PLXDC2: variants seen among roughly 807,000 people sequenced by gnomAD.
The protein encoded by PLXDC2 is plexin domain containing 2.
A neutral mutation model predicts 68.9 loss-of-function variants in PLXDC2; 40 were observed. That is an observed-to-expected ratio of 0.58 (90% CI 0.45 to 0.76). The LOEUF (loss-of-function observed/expected upper bound fraction) is 0.76. Among genes scored for constraint, PLXDC2 ranks in the 30% least tolerant of loss-of-function variants. The probability of loss-of-function intolerance (pLI) is 0.00; values close to 1 mark genes in which losing one functional copy is unlikely to be tolerated. For missense variants in PLXDC2, 644 were observed against 661.9 expected (o/e 0.97, Z 0.30); for synonymous variants, 243 against 234.2 (o/e 1.04, Z -0.34).
At chr10:19,906,893 C>G (rs1444550867) in intron 1 of PLXDC2, among the ~76,000 whole-genome samples, 2 of 152,176 alleles carry the variant, frequency 1.3e-5, no homozygotes, top group African/African-American at 4.8e-5. Flanking sequence ...GTCTATGCCT[C>G]TCATTCTTCA....
At chr10:20,249,641 A>G (rs10828000) in intron 13 of PLXDC2, among the ~76,000 whole-genome samples, 37,625 of 152,000 alleles carry the variant, frequency 0.25, 4,830 homozygotes, top group African/African-American at 0.31. Flanking sequence ...GTAATCTAGG[A>G]TACTCTCTGC....
intron 1 of PLXDC2, among the ~76,000 whole-genome samples, chr10:19,890,011 C>T (rs11594965): frequency 0.074 from 11,322 of 152,160 alleles, 531 homozygotes; most frequent in Non-Finnish European, 0.1. Flanking sequence ...GGCAGTCTCG[C>T]GTTTCAGGGC....
chr10:19,818,088 G>T (rs1321368281), intron 1 of PLXDC2, among the ~76,000 whole-genome samples: 1 of 152,126 alleles, frequency 6.6e-6, no homozygotes, highest in Non-Finnish European at 1.5e-5. Flanking sequence ...AGAGATCTTG[G>T]CAGAAATTGG....
At chr10:19,825,031 G>A (rs1318208913) in intron 1 of PLXDC2, among the ~76,000 whole-genome samples, 3 of 152,096 alleles carry the variant, frequency 2.0e-5, no homozygotes, top group Admixed American at 6.5e-5. Flanking sequence ...AGATCTAAGC[G>A]CTGGTACCTT....
intron 1 of PLXDC2, among the ~76,000 whole-genome samples, chr10:19,881,859 TCTTG>T (rs1837734122): frequency 6.6e-6 from 1 of 152,264 alleles, no homozygotes; most frequent in Non-Finnish European, 1.5e-5. Context: ...ATTTTATACA[TCTTG>T]TTACTATGCA....
intron 2 of PLXDC2, among the ~76,000 whole-genome samples, chr10:20,019,658 A>G (rs1203233694): frequency 9.2e-5 from 14 of 152,214 alleles, no homozygotes; most frequent in Admixed American, 7.2e-4. Context: ...AGGAAAGGCC[A>G]TGTGAGGACA....
intron 4 of PLXDC2, among the ~76,000 whole-genome samples, chr10:20,094,892 C>A (rs573975071): frequency 6.6e-6 from 1 of 152,192 alleles, no homozygotes; most frequent in African/African-American, 2.4e-5. Context: ...TAATTTATTT[C>A]TTCATTGATT....
intron 2 of PLXDC2, among the ~76,000 whole-genome samples, chr10:20,044,277 CT>C (rs1331451125): frequency 2.6e-4 from 23 of 88,054 alleles, no homozygotes; most frequent in African/African-American, 3.9e-4. Flanking sequence ...TTCTTTCTTT[CT>C]TTCTTTCTTT....
intron 1 of PLXDC2, among the ~76,000 whole-genome samples, chr10:19,820,556 C>G (rs2131993340): frequency 6.6e-6 from 1 of 151,840 alleles, no homozygotes; most frequent in African/African-American, 2.4e-5. Context: ...ATGGCGGGAA[C>G]CCGGGAAGCG....
chr10:19,996,790 G>A (rs2131633694), intron 1 of PLXDC2, among the ~76,000 whole-genome samples: 1 of 152,250 alleles, frequency 6.6e-6, no homozygotes, highest in South Asian at 2.1e-4. Flanking sequence ...GGGAAGGCGA[G>A]GAGGGGCAAG....
intron 1 of PLXDC2, among the ~76,000 whole-genome samples, chr10:19,923,158 G>A (rs1422156691): frequency 6.6e-6 from 1 of 152,178 alleles, no homozygotes; most frequent in Admixed American, 6.5e-5. Flanking sequence ...TAAGCAGAAG[G>A]TGTGTTGTTG....
chr10:19,947,900 A>T (rs1833929553), intron 1 of PLXDC2, among the ~76,000 whole-genome samples: 1 of 152,054 alleles, frequency 6.6e-6, no homozygotes. Context: ...CTTATTGCAG[A>T]TGTCCCTCAA....
chr10:20,022,038 T>C (rs185287276), intron 2 of PLXDC2, among the ~76,000 whole-genome samples: 2 of 152,314 alleles, frequency 1.3e-5, no homozygotes, highest in South Asian at 2.1e-4. Flanking sequence ...TGTTGAACTT[T>C]CAATTGTACT....
Position 19,832,871 on chromosome 10 carries a change from C to A in PLXDC2, c.112+15680C>A, listed in dbSNP as rs146092649. Among the ~76,000 whole-genome samples the A allele has an allele frequency of 3.3e-3, 508 of 152,300 alleles. 5 individuals carry two copies. The highest frequency in any genetic ancestry group is 0.025 in the South Asian group (121 of 4,824). Reference sequence around the variant, plus strand: ...GTGGTTGCTAAAAGGACGCTTTTGACGCCAGATGGGCTTGAGTCCAAATCT... The same window carrying A: ...GTGGTTGCTAAAAGGACGCTTTTGAAGCCAGATGGGCTTGAGTCCAAATCT... On this transcript the variant is annotated intron_variant, in intron 1 of 13. Transcript: ENST00000377252.
At chr10:19,967,542 G>T (rs1382903977) in intron 1 of PLXDC2, among the ~76,000 whole-genome samples, 1 of 151,960 alleles carries the variant, frequency 6.6e-6, no homozygotes, top group East Asian at 1.9e-4. Context: ...CATACTAAGA[G>T]AAAACAATTA....
intron 5 of PLXDC2, among the ~76,000 whole-genome samples, chr10:20,143,910 A>G (rs948974496): frequency 2.6e-5 from 4 of 152,138 alleles, no homozygotes; most frequent in Non-Finnish European, 5.9e-5. Context: ...AGTTTTCTTG[A>G]CTTTAGAAAA....
intron 1 of PLXDC2, among the ~76,000 whole-genome samples, chr10:19,831,128 T>G (rs965339025): frequency 3.9e-5 from 6 of 152,228 alleles, no homozygotes; most frequent in Admixed American, 3.3e-4. Context: ...ATATTATCAA[T>G]GACCATTAAA....
chr10:20,056,614 G>C (rs879312414), intron 3 of PLXDC2, among the ~76,000 whole-genome samples: 4 of 152,184 alleles, frequency 2.6e-5, no homozygotes, highest in Non-Finnish European at 5.9e-5. Context: ...CTTGAGGACA[G>C]CTGCCTTAAG....
At chr10:20,272,162 A>T (rs1208853736) in intron 13 of PLXDC2, among the ~76,000 whole-genome samples, 2 of 152,266 alleles carry the variant, frequency 1.3e-5, no homozygotes, top group East Asian at 3.9e-4. Context: ...GAACACTTGG[A>T]GGATTTGCTA....
Sources: gnomAD v4.1 joint callset for allele counts (sites outside exome capture counted in the v4.1 genomes callset) on GRCh38, gnomAD v4.1.1 for gene constraint, MANE v1.5 for transcripts, NCBI Gene and HGNC (gene_info 2026-07-23, HGNC 2026-07-21) for gene names.